The following ATAD3B variants were observed in gnomAD, a reference collection of about 807,000 sequenced individuals.
The protein encoded by ATAD3B is ATPase family AAA domain containing 3B, also known as ATPase family AAA domain-containing protein 3B.
ATAD3B carries 59 observed loss-of-function variants against 70.2 expected under a neutral mutation model. The ratio of observed to expected loss-of-function variants is 0.84; its 90% CI spans 0.68 to 1.04. The LOEUF (loss-of-function observed/expected upper bound fraction) is 1.04. Ranked by LOEUF, ATAD3B falls within the 50% of genes least tolerant of loss-of-function variation. The pLI is 0.00. For missense variants in ATAD3B, 961 were observed against 913.4 expected (o/e 1.05, Z -0.67); for synonymous variants, 423 against 388.6 (o/e 1.09, Z -1.04).
chr1:1,507,081 G>A, the ATAD3B span, among the ~76,000 whole-genome samples: 9 of 152,136 alleles, frequency 5.9e-5, no homozygotes, highest in Admixed American at 2.0e-4. Context: ...GCCACCGCCC[G>A]CGCCCAGCAG....
Position 1,479,699 on chromosome 1 carries a change from G to A in ATAD3B, c.444+591G>A, listed in dbSNP as rs1218547814. 7.3e-5 allele frequency among the ~76,000 whole-genome samples: 10 copies of A among 137,564 alleles called. 1 individual carries two copies. The highest frequency in any genetic ancestry group is 4.9e-4 in the South Asian group (2 of 4,104). The allele number at this position is 137,564 out of a possible 152,430, so 90.2% of individuals were successfully genotyped here. A position where few individuals can be genotyped will look rare whatever the true frequency, so the allele number is the denominator to read the frequency against. On this transcript the variant is annotated intron_variant, in intron 4 of 15. Coordinates refer to ENST00000673477, the MANE Select transcript of ATAD3B (RefSeq NM_031921.6). ...CATGGGTCCTCAGGCACACACTCCC[G>A]CATGGGGCATGCACGCACCTCCCAC...
downstream of ATAD3B, among the ~76,000 whole-genome samples, chr1:1,501,678 A>G (rs575172687): frequency 5.2e-4 from 79 of 152,246 alleles, no homozygotes; most frequent in African/African-American, 1.8e-3. Flanking sequence ...GGTGTGAGCC[A>G]CAGAGCCTGG....
chr1:1,483,323 A>C (rs1262397661), intron 7 of ATAD3B, among the ~76,000 whole-genome samples: 1 of 151,646 alleles, frequency 6.6e-6, no homozygotes, highest in South Asian at 2.1e-4. Flanking sequence ...AAAAATTAGC[A>C]GGCCAAGGTG....
At chr1:1,505,112 C>T in the ATAD3B span, among the ~76,000 whole-genome samples, 496 of 152,168 alleles carry the variant, frequency 3.3e-3, no homozygotes, top group African/African-American at 0.011. Flanking sequence ...GTAGTGGCCC[C>T]GAGTGCCAGG....
chr1:1,491,888 C>T (rs1158182170), intron 15 of ATAD3B, among the ~76,000 whole-genome samples: 1 of 151,916 alleles, frequency 6.6e-6, no homozygotes, highest in East Asian at 1.9e-4. Context: ...GTTTCCACAA[C>T]TCAGAAAGTG....
chr1:1,489,508 G>T, intron 13 of ATAD3B: 1 of 981,432 alleles, frequency 1.0e-6, no homozygotes. Context: ...GGCCCTGTGC[G>T]CCGCCGCCCC....
At chr1:1,477,206 C>A (rs1639636831) in intron 1 of ATAD3B, 68 bp from the exon 2 acceptor site, 1 of 1,585,102 alleles carries the variant, frequency 6.3e-7, no homozygotes, top group African/African-American at 1.3e-5. Flanking sequence ...GGTTGGGTTT[C>A]ACCATGTTGG....
At chr1:1,480,611 G>A (rs200452402) in intron 4 of ATAD3B, among the ~76,000 whole-genome samples, 21 of 146,998 alleles carry the variant, frequency 1.4e-4, no homozygotes, top group Middle Eastern at 3.4e-3. Context: ...GTCGGCCCGC[G>A]GTGGCCCTTG....
chr1:1,491,386 C>T (rs994724392), intron 15 of ATAD3B, among the ~76,000 whole-genome samples: 35 of 151,976 alleles, frequency 2.3e-4, no homozygotes, highest in African/African-American at 8.2e-4. Context: ...CAAAAATTAG[C>T]TGAGTTTGGT....
chr1:1,507,118 TTA>T, the ATAD3B span, among the ~76,000 whole-genome samples: 1 of 152,210 alleles, frequency 6.6e-6, no homozygotes, highest in Non-Finnish European at 1.5e-5. Context: ...ACATATAAGA[TTA>T]TATCATCTGA....
chr1:1,500,224 A>G (rs998870351), downstream of ATAD3B, among the ~76,000 whole-genome samples: 1 of 144,962 alleles, frequency 6.9e-6, no homozygotes, highest in Non-Finnish European at 1.5e-5. Context: ...AGCAAACTTT[A>G]CTTTTGTTGA....
chr1:1,500,624 A>T (rs891321788), downstream of ATAD3B, among the ~76,000 whole-genome samples: 111 of 150,618 alleles, frequency 7.4e-4, 1 homozygote, highest in African/African-American at 2.6e-3. Flanking sequence ...TATATGTATA[A>T]ATGTATATAT....
Position 1,487,876 on chromosome 1 carries a change from A to G in ATAD3B, c.1228A>G (p.Met410Val), listed in dbSNP as rs148709813. Reference sequence around the variant, plus strand: ...TCTCGTTCACAGCCTCCTGCTCTTCATGGATGAAGCAGACGCCTTCCTTCG... The same window carrying G: ...TCTCGTTCACAGCCTCCTGCTCTTCGTGGATGAAGCAGACGCCTTCCTTCG... ...NTSRRGLLLF[M>V]DEADAFLRKR... Residue 410 changes from methionine to valine, a missense_variant, in exon 12 of 16, where the codon ATG (methionine) becomes GTG (valine). This residue lies in a region of ATAD3B where 417 missense variants were observed against 335.0 expected (regional missense o/e 1.24). Transcript: ENST00000673477. The G allele has an allele frequency of 4.6e-4, 737 of 1,613,010 alleles. 11 individuals are homozygous for G. The highest frequency in any genetic ancestry group is 3.5e-3 in the Middle Eastern group (21 of 6,050).
rs769272624 is a variant in ATAD3B, at chr1:1,486,052, T to C, written c.964-58T>C. The C allele has an allele frequency of 8.5e-5, 137 of 1,610,798 alleles. 3 individuals are homozygous for C. The highest frequency in any genetic ancestry group is 1.1e-4 in the Non-Finnish European group (128 of 1,178,658). ...CACCCGGGCATTCCCGCAGCCCCTG[T>C]CACCGAGGCTTCCGTGGGTGCAGAG... On this transcript the variant is annotated intron_variant, in intron 9 of 15. Transcript: ENST00000673477.
chr1:1,492,334 A>T (rs1331028392), intron 15 of ATAD3B, among the ~76,000 whole-genome samples: 2 of 151,466 alleles, frequency 1.3e-5, no homozygotes, highest in Admixed American at 6.6e-5. Flanking sequence ...AAAAATACGA[A>T]AATTAGCTGG....
intron 12 of ATAD3B, among the ~76,000 whole-genome samples, chr1:1,488,466 A>C (rs926299568): frequency 2.6e-5 from 4 of 152,032 alleles, no homozygotes; most frequent in Non-Finnish European, 5.9e-5. Context: ...AACTAAAGAA[A>C]TTCACCGGCC....
chr1:1,486,042 G>A (rs546339489), intron 9 of ATAD3B, 68 bp from the exon 10 acceptor site: 27 of 1,608,878 alleles, frequency 1.7e-5, no homozygotes, highest in South Asian at 4.4e-5. Context: ...GGGCATTCCC[G>A]CAGCCCCTGT....
rs1338114671 is a variant in ATAD3B, at chr1:1,497,494, C to G, written c.*1677C>G. On this transcript the variant is annotated 3_prime_UTR_variant, in exon 16 of 16. Coordinates refer to ENST00000673477, the MANE Select transcript of ATAD3B (RefSeq NM_031921.6). ...GATCCTCCCGCCTCTACAGGATGAG[C>G]CACCAAGCCTGGCCTCAATTCCTCT... 6.7e-6 allele frequency: 1 copy of G among 149,920 alleles called. No homozygotes were observed. The highest frequency in any genetic ancestry group is 1.5e-5 in the Non-Finnish European group (1 of 67,720). The allele number at this position is 149,920 out of a possible 1,614,324, so 9.3% of individuals were successfully genotyped here. A position where few individuals can be genotyped will look rare whatever the true frequency, so the allele number is the denominator to read the frequency against.
At chr1:1,492,117 C>T (rs1640568447) in intron 15 of ATAD3B, among the ~76,000 whole-genome samples, 3 of 151,600 alleles carry the variant, frequency 2.0e-5, no homozygotes, top group African/African-American at 4.8e-5. Flanking sequence ...GTCCAGGAGG[C>T]GGAGGCTGCA....
Sources: gnomAD v4.1 joint callset for allele counts (sites outside exome capture counted in the v4.1 genomes callset) on GRCh38, gnomAD v4.1.1 for gene constraint, gnomAD v4.1.1 regional missense constraint, MANE v1.5 for transcripts, NCBI Gene and HGNC (gene_info 2026-07-23, HGNC 2026-07-21) for gene names.